ASB14: variants seen among roughly 807,000 people sequenced by gnomAD.
ASB14 encodes the protein ankyrin repeat and SOCS box protein 14.
In ASB14, 63 loss-of-function variants were observed where a neutral mutation model predicts 55.6. The ratio of observed to expected loss-of-function variants is 1.13; its 90% confidence interval spans 0.92 to 1.40. The LOEUF is 1.40. ASB14 is among the 40% of genes most tolerant of loss of function. The pLI is 0.00. For missense variants in ASB14, 724 were observed against 710.4 expected (o/e 1.02, Z -0.22); for synonymous variants, 256 against 259.9 (o/e 0.98, Z 0.15).
chr3:57,279,881 T>A (rs2061024588), intron 7 of ASB14, among the ~76,000 whole-genome samples: 1 of 152,132 alleles, frequency 6.6e-6, no homozygotes, highest in African/African-American at 2.4e-5. Flanking sequence ...TGGCCTTTAA[T>A]CATCCACATG....
intron 10 of ASB14, chr3:57,270,520 A>AT (rs1331963550): frequency 3.9e-5 from 6 of 152,678 alleles, no homozygotes; most frequent in Non-Finnish European, 7.3e-5. Flanking sequence ...ATGGAATGAT[A>AT]CATTGTATTT....
intron 6 of ASB14, among the ~76,000 whole-genome samples, chr3:57,282,901 A>G (rs2061050342): frequency 6.6e-6 from 1 of 152,144 alleles, no homozygotes; most frequent in African/African-American, 2.4e-5. Context: ...TGATTCTAGA[A>G]AAGGACAACA....
In ASB14 at chr3:57,280,412, T is replaced by C. The variant is rs1329600063; in HGVS notation, c.777A>G (p.Gly259=). The change falls in exon 7 of 11, where the codon GGA becomes GGG. Residue 259 remains glycine, a synonymous_variant. Transcript: ENST00000487349. ...AGAGAGCCACAGCATCTGGATTTCC[T>C]CCACTTGCGGCTTCAAGTAAGATGG... The part of the protein sequence containing the change: ...SSSILLEAAS[G]GNPDAVALLL... 1.3e-6 allele frequency: 2 copies of C among 1,551,492 alleles called. No homozygotes were observed. The highest frequency in any genetic ancestry group is 1.7e-6 in the Non-Finnish European group (2 of 1,146,816).
chr3:57,268,522 G>T lies in ASB14; in HGVS notation c.*1119C>A, dbSNP rs1159479338. On this transcript the variant is annotated 3_prime_UTR_variant, in exon 11 of 11. Transcript: ENST00000487349. Reference sequence around the variant, plus strand: ...CCTAATGTCTGGATCTTTATGTGTTGTTTGTGAAGACTTAATTCAGCACTA... The same window carrying T: ...CCTAATGTCTGGATCTTTATGTGTTTTTTGTGAAGACTTAATTCAGCACTA... 1.3e-6 allele frequency: 2 copies of T among 1,545,662 alleles called. No individual in the cohort carries two copies. The highest frequency in any genetic ancestry group is 1.8e-4 in the Middle Eastern group (1 of 5,658).
chr3:57,280,209 G>T, intron 7 of ASB14, 93 bp downstream of exon 7: 2 of 659,736 alleles, frequency 3.0e-6, no homozygotes, highest in Non-Finnish European at 4.5e-6. Flanking sequence ...TGTGGGATCA[G>T]TGATTAAAGA....
chr3:57,292,388 G>A (rs1289328670), intron 1 of ASB14, among the ~76,000 whole-genome samples: 1 of 152,170 alleles, frequency 6.6e-6, no homozygotes, highest in Non-Finnish European at 1.5e-5. Flanking sequence ...GTCTTTCACA[G>A]TGATTGTAGC....
intron 6 of ASB14, among the ~76,000 whole-genome samples, chr3:57,282,806 C>T (rs2061049639): frequency 6.6e-6 from 1 of 152,106 alleles, no homozygotes; most frequent in Non-Finnish European, 1.5e-5. Context: ...ACATCTAAAG[C>T]CATTTGGTAA....
chr3:57,276,913 A>G lies in ASB14; in HGVS notation c.1586-185T>C, dbSNP rs538966646. Among the ~76,000 whole-genome samples the G allele has an allele frequency of 1.2e-4, 19 of 152,306 alleles. No individual in the cohort carries two copies. The East Asian group carries it at 3.1e-3, about 25-fold the overall frequency. On this transcript the variant is annotated intron_variant, in intron 9 of 10. Coordinates refer to ENST00000487349, the MANE Select transcript of ASB14 (RefSeq NM_001142733.3). ...TAGATATGGTTCCAGAGCCATGTCA[A>G]GTTAGAATCCAAAGACTGGCATCAA...
chr3:57,284,354 C>T (rs1396570716), intron 5 of ASB14, among the ~76,000 whole-genome samples: 1 of 151,950 alleles, frequency 6.6e-6, no homozygotes, highest in Non-Finnish European at 1.5e-5. Flanking sequence ...GGTCTTAAAC[C>T]CCTGGGTTCA....
intron 10 of ASB14, 76 bp from the exon 11 acceptor site, chr3:57,269,694 A>G (rs375766377): frequency 9.9e-6 from 16 of 1,613,404 alleles, no homozygotes; most frequent in Non-Finnish European, 1.4e-5. Flanking sequence ...ATAAGCTTAT[A>G]CTTTTGGTAG....
intron 5 of ASB14, among the ~76,000 whole-genome samples, chr3:57,286,667 TCTAAGA>T (rs1040454079): frequency 1.4e-4 from 22 of 152,352 alleles, no homozygotes; most frequent in Admixed American, 1.2e-3. Context: ...CTCTCATTGC[TCTAAGA>T]CTAAGACTAG....
intron 10 of ASB14, among the ~76,000 whole-genome samples, chr3:57,275,215 C>A (rs935808886): frequency 1.3e-5 from 2 of 152,112 alleles, no homozygotes; most frequent in Non-Finnish European, 2.9e-5. Flanking sequence ...TTTTGGGAGG[C>A]CAAGGCGGGC....
intron 10 of ASB14, chr3:57,273,144 T>C (rs190912996): frequency 2.0e-5 from 3 of 152,778 alleles, no homozygotes; most frequent in Non-Finnish European, 4.4e-5. Context: ...TCAGTTAATA[T>C]GAGACTGGGG....
intron 10 of ASB14, among the ~76,000 whole-genome samples, chr3:57,274,355 T>C (rs2060970284): frequency 6.6e-6 from 1 of 152,210 alleles, no homozygotes; most frequent in Non-Finnish European, 1.5e-5. Flanking sequence ...GAATGTCTTT[T>C]TCAGTTTCTT....
chr3:57,283,362 C>G lies in ASB14; in HGVS notation c.547G>C (p.Glu183Gln). The change falls in exon 6 of 11, where the codon GAG becomes CAG. Residue 183 changes from glutamate (E) to glutamine (Q), a missense_variant. Coordinates refer to ENST00000487349, the MANE Select transcript of ASB14 (RefSeq NM_001142733.3). Reference sequence around the variant, plus strand: ...GCTGCTTCGTGGAGAGCTGTCCTCTCGTTGGCACAACGCAGATTGACATCT... The same window carrying G: ...GCTGCTTCGTGGAGAGCTGTCCTCTGGTTGGCACAACGCAGATTGACATCT... ...GADVNLRCAN[E>Q]RTALHEAAKL... The G allele has an allele frequency of 6.4e-7, 1 of 1,551,646 alleles. No homozygotes were observed. The highest frequency in any genetic ancestry group is 8.7e-7 in the Non-Finnish European group (1 of 1,146,950).
intron 5 of ASB14, among the ~76,000 whole-genome samples, chr3:57,286,204 T>A (rs778955033): frequency 6.6e-6 from 1 of 152,070 alleles, no homozygotes; most frequent in Non-Finnish European, 1.5e-5. Flanking sequence ...TATGTATTCC[T>A]TTTTTTCTCT....
intron 9 of ASB14, among the ~76,000 whole-genome samples, chr3:57,277,430 A>G (rs770542736): frequency 1.3e-5 from 2 of 152,186 alleles, no homozygotes; most frequent in Non-Finnish European, 2.9e-5. Context: ...CTCTACAGAC[A>G]TGGCTCTTAG....
chr3:57,290,635 C>T (rs1441628349), intron 2 of ASB14, among the ~76,000 whole-genome samples: 3 of 152,216 alleles, frequency 2.0e-5, no homozygotes, highest in Non-Finnish European at 2.9e-5. Context: ...GCAAGCCTGC[C>T]TAAGTATCAT....
intron 6 of ASB14, among the ~76,000 whole-genome samples, chr3:57,280,988 AGTT>A (rs771908191): frequency 2.0e-5 from 3 of 152,178 alleles, no homozygotes; most frequent in East Asian, 1.9e-4. Flanking sequence ...CAAAGAGGTA[AGTT>A]GTTGTAGTTA....
Sources: gnomAD v4.1 joint callset for allele counts (sites outside exome capture counted in the v4.1 genomes callset) on GRCh38, gnomAD v4.1.1 for gene constraint, MANE v1.5 for transcripts, NCBI Gene and HGNC (gene_info 2026-07-23, HGNC 2026-07-21) for gene names.